Variants in GAD2 observed in about 807,000 individuals in gnomAD.
GAD2 encodes 65 kDa glutamic acid decarboxylase.
A neutral mutation model predicts 80.1 loss-of-function variants in GAD2; 22 were observed. The observed-to-expected ratio is 0.27, with a 90% CI of 0.20 to 0.39. GAD2 has a LOEUF of 0.39. GAD2 is among the 10% of genes least tolerant of loss of function. The pLI, the probability that GAD2 is intolerant of heterozygous loss-of-function variation, is 1.00. For synonymous variants in GAD2, 274 were observed against 256.9 expected (o/e 1.07, Z -0.64); for missense variants, 624 against 738.4 (o/e 0.85, Z 1.80).
At chr10:26,228,345 C>T (rs993747956) in intron 6 of GAD2, among the ~76,000 whole-genome samples, 6 of 152,272 alleles carry the variant, frequency 3.9e-5, no homozygotes, top group Non-Finnish European at 5.9e-5. Flanking sequence ...ACACAGAAAA[C>T]GTAACACAAT....
At position 26,270,703 on chromosome 10, in the gene GAD2, C is replaced by G. The variant is rs747034092; in HGVS notation, c.1039C>G (p.Leu347Val). 6.2e-7 allele frequency: 1 copy of G among 1,614,164 alleles called. No individual in the cohort carries two copies. Among genetic ancestry groups the G allele is most frequent in the South Asian group, 1.1e-5 (1 of 91,082 alleles). Residue 347 changes from leucine to valine, a missense_variant, in exon 10 of 16, where the codon CTC (leucine) becomes GTC (valine). Coordinates refer to ENST00000376261, the MANE Select transcript of GAD2 (RefSeq NM_001134366.2). Reference sequence around the variant, plus strand: ...CACCGTGTACGGAGCATTTGACCCCCTCTTAGCTGTCGCTGACATTTGCAA... The same window carrying G: ...CACCGTGTACGGAGCATTTGACCCCGTCTTAGCTGTCGCTGACATTTGCAA... ...GTTVYGAFDP[L>V]LAVADICKKY... is the part of the protein sequence containing the mutation.
intron 8 of GAD2, among the ~76,000 whole-genome samples, chr10:26,251,259 C>T (rs977412996): frequency 6.6e-6 from 1 of 152,008 alleles, no homozygotes; most frequent in East Asian, 1.9e-4. Context: ...ATTACAAACA[C>T]AAACACACTT....
chr10:26,219,335 T>G, intron 4 of GAD2, 59 bp downstream of exon 4: 1 of 1,146,550 alleles, frequency 8.7e-7, no homozygotes, highest in Non-Finnish European at 1.2e-6. Flanking sequence ...TATTTTATTT[T>G]TTTCTATAAA....
chr10:26,280,930 A>G (rs1175725347), intron 11 of GAD2, 79 bp from the exon 12 acceptor site: 2 of 858,132 alleles, frequency 2.3e-6, no homozygotes, highest in African/African-American at 1.7e-5. Context: ...AACAATACCA[A>G]GAAACTGAAG....
chr10:26,219,290 G>A lies in GAD2; in HGVS notation c.520+14G>A, dbSNP rs1844424436. On this transcript the variant is annotated intron_variant, in intron 4 of 15. Transcript: ENST00000376261. ...CAATTAAAACAGGTATTGTCTCATC[G>A]AAAATAATAAAGCTCTTTTTTCGTT... 2.1e-6 allele frequency: 3 copies of A among 1,435,176 alleles called. No individual in the cohort carries two copies. The highest frequency in any genetic ancestry group is 2.9e-6 in the Non-Finnish European group (3 of 1,045,584). The allele number at this position is 1,435,176 out of a possible 1,614,324, so 88.9% of individuals were successfully genotyped here.
At chr10:26,219,675 C>T (rs890370155) in intron 4 of GAD2, among the ~76,000 whole-genome samples, 5 of 152,228 alleles carry the variant, frequency 3.3e-5, no homozygotes, top group African/African-American at 9.6e-5. Context: ...AATACCAGTG[C>T]TGTGCTGGTA....
intron 9 of GAD2, among the ~76,000 whole-genome samples, chr10:26,269,461 TG>T (rs1474698272): frequency 1.3e-5 from 2 of 152,236 alleles, no homozygotes; most frequent in African/African-American, 4.8e-5. Flanking sequence ...CCCACACATT[TG>T]AAAGAATATT....
chr10:26,279,911 G>A (rs1406159715), intron 11 of GAD2, among the ~76,000 whole-genome samples: 4 of 152,288 alleles, frequency 2.6e-5, no homozygotes, highest in Middle Eastern at 3.4e-3. Context: ...ACAAAAGGAC[G>A]CATCTGAGAA....
chr10:26,298,687 C>T (rs146966632), intron 15 of GAD2, among the ~76,000 whole-genome samples: 4 of 152,200 alleles, frequency 2.6e-5, no homozygotes, highest in Non-Finnish European at 4.4e-5. Context: ...AAAGGGCAAG[C>T]GTGATTTATT....
chr10:26,278,298 C>T (rs1165404789), intron 11 of GAD2, among the ~76,000 whole-genome samples: 1 of 152,194 alleles, frequency 6.6e-6, no homozygotes, highest in East Asian at 1.9e-4. Context: ...TATAGAATGG[C>T]CATGTGTACG....
At chr10:26,232,469 C>CTTTTTTT (rs60636223) in intron 7 of GAD2, among the ~76,000 whole-genome samples, 8 of 101,424 alleles carry the variant, frequency 7.9e-5, no homozygotes, top group East Asian at 2.6e-4. Flanking sequence ...ACTCAGTCTA[C>CTTTTTTT]TTTTTTTTTT....
intron 10 of GAD2, among the ~76,000 whole-genome samples, 199 bp from the exon 11 acceptor site, chr10:26,273,437 C>A (rs913629926): frequency 1.3e-5 from 2 of 152,216 alleles, no homozygotes; most frequent in African/African-American, 4.8e-5. Context: ...TGGCTCCTTA[C>A]ACCCATATAA....
intron 11 of GAD2, among the ~76,000 whole-genome samples, chr10:26,280,654 C>T (rs773516466): frequency 3.5e-4 from 53 of 151,792 alleles, no homozygotes; most frequent in Non-Finnish European, 6.8e-4. Context: ...TTTGGGGGTC[C>T]GAGATATTTT....
rs1844563118 is a variant in GAD2 at position 26,228,919 on chromosome 10, G to A, written c.725-743G>A. Among the ~76,000 whole-genome samples, 5 of 152,302 alleles carry A rather than the reference G, an allele frequency of 3.3e-5. No individual in the cohort carries two copies. The South Asian group carries it at 1.0e-3, about 32-fold the overall frequency. The stretch of plus-strand genomic sequence containing the variant: ...AAAATTGTTGATTAGGCCAGGCGTG[G>A]TGGCTCACACCTGTAATCCTAGCAC... On this transcript the variant is annotated intron_variant, in intron 6 of 15. Transcript: ENST00000376261.
rs1273001280 is a variant in GAD2, at chr10:26,237,121, C to T, written c.840+7344C>T. ...GTTGCTTCTGGCACGGGGGAGAGAG[C>T]AGTGGGCAGAACACACCCAGTGCCC... On this transcript the variant is annotated intron_variant, in intron 7 of 15. Transcript: ENST00000376261. Among the ~76,000 whole-genome samples, 3 of 152,132 alleles carry T rather than the reference C, an allele frequency of 2.0e-5. No individual in the cohort carries two copies. The East Asian group carries it at 5.8e-4, about 29-fold the overall frequency.
intron 3 of GAD2, among the ~76,000 whole-genome samples, chr10:26,218,490 C>T (rs2132268314): frequency 6.6e-6 from 1 of 152,106 alleles, no homozygotes; most frequent in Middle Eastern, 3.4e-3. Flanking sequence ...CACACCGTCT[C>T]CCAAATGTAC....
intron 10 of GAD2, among the ~76,000 whole-genome samples, chr10:26,271,513 C>T (rs1481198704): frequency 6.6e-6 from 1 of 152,196 alleles, no homozygotes; most frequent in Non-Finnish European, 1.5e-5. Context: ...TGTGCCAAAC[C>T]ATCATCAGTC....
chr10:26,229,860 C>A (rs1054770321), intron 7 of GAD2, 83 bp downstream of exon 7: 10 of 964,474 alleles, frequency 1.0e-5, no homozygotes, highest in South Asian at 1.5e-5. Context: ...AATGCATTAT[C>A]CCCAGAGGCC....
At chr10:26,263,929 T>G (rs903012179) in intron 8 of GAD2, among the ~76,000 whole-genome samples, 1 of 152,166 alleles carries the variant, frequency 6.6e-6, no homozygotes, top group Admixed American at 6.5e-5. Flanking sequence ...CCTGAAAAGT[T>G]TTTTTGTTAA....
Sources: gnomAD v4.1 joint callset for allele counts (sites outside exome capture counted in the v4.1 genomes callset) on GRCh38, gnomAD v4.1.1 for gene constraint, MANE v1.5 for transcripts, NCBI Gene and HGNC (gene_info 2026-07-23, HGNC 2026-07-21) for gene names.